PROS1: variants seen among roughly 807,000 people sequenced by gnomAD.
PROS1 encodes vitamin K-dependent protein S.
Under a neutral mutation model 75.9 loss-of-function variants are expected in PROS1, and 29 were observed. That is an observed-to-expected ratio of 0.38 (90% CI 0.28 to 0.52). The LOEUF (loss-of-function observed/expected upper bound fraction) is 0.52, where lower values mean the gene tolerates loss of function less well. PROS1 is among the 20% of genes least tolerant of loss of function. PROS1 has a pLI of 0.83. For missense variants in PROS1, 680 were observed against 810.3 expected, an observed-to-expected ratio of 0.84 and a Z score of 1.95; for synonymous variants, 245 against 280.6, an observed-to-expected ratio of 0.87 and a Z score of 1.27.
chr3:93,965,095 G>A (rs1040216770), intron 1 of PROS1, among the ~76,000 whole-genome samples: 4 of 152,200 alleles, frequency 2.6e-5, no homozygotes, highest in African/African-American at 9.6e-5. Flanking sequence ...AGAGCACAGC[G>A]GGAGGGACAA....
intron 6 of PROS1, among the ~76,000 whole-genome samples, chr3:93,903,897 G>A (rs1220929585): frequency 6.6e-6 from 1 of 151,292 alleles, no homozygotes; most frequent in African/African-American, 2.4e-5. Flanking sequence ...CATGTGCCAT[G>A]CTGGCACGCT....
At chr3:93,905,125 A>G (rs544890633) in intron 6 of PROS1, among the ~76,000 whole-genome samples, 6 of 152,370 alleles carry the variant, frequency 3.9e-5, no homozygotes, top group African/African-American at 1.4e-4. Flanking sequence ...ATGGCTATGT[A>G]TCTTACTAGA....
chr3:93,885,377 C>A (rs565296242), intron 11 of PROS1, among the ~76,000 whole-genome samples: 2 of 152,268 alleles, frequency 1.3e-5, no homozygotes, highest in Non-Finnish European at 2.9e-5. Flanking sequence ...AGGTGCCCAC[C>A]ACCACGCCTG....
intron 12 of PROS1, 101 bp from the exon 13 acceptor site, chr3:93,879,415 G>A (rs1161274176): frequency 9.8e-6 from 14 of 1,425,698 alleles, no homozygotes; most frequent in Non-Finnish European, 1.4e-5. Flanking sequence ...AAACTATCTT[G>A]TGTAATACTA....
intron 1 of PROS1, among the ~76,000 whole-genome samples, chr3:93,950,232 T>C (rs551856124): frequency 7.5e-4 from 114 of 152,278 alleles, no homozygotes; most frequent in African/African-American, 2.7e-3. Flanking sequence ...GGCCTGCCTG[T>C]CTCTGTAGAC....
At chr3:93,893,970 T>C (rs1708468565) in intron 9 of PROS1, among the ~76,000 whole-genome samples, 1 of 152,130 alleles carries the variant, frequency 6.6e-6, no homozygotes, top group South Asian at 2.1e-4. Flanking sequence ...TTCAGTATCC[T>C]TAAAACACTT....
chr3:93,936,671 A>G (rs1157759629), intron 1 of PROS1, among the ~76,000 whole-genome samples: 1 of 152,186 alleles, frequency 6.6e-6, no homozygotes, highest in Non-Finnish European at 1.5e-5. Flanking sequence ...GCAAGAAAAT[A>G]AATTTCTATG....
chr3:93,886,739 T>A (rs1576177039), intron 10 of PROS1, among the ~76,000 whole-genome samples: 2 of 151,826 alleles, frequency 1.3e-5, no homozygotes, highest in Admixed American at 6.6e-5. Context: ...ATTTTAAAGT[T>A]AAAAAAAATA....
intron 8 of PROS1, among the ~76,000 whole-genome samples, chr3:93,897,343 T>C (rs1708516463): frequency 6.7e-6 from 1 of 149,922 alleles, no homozygotes; most frequent in Admixed American, 6.6e-5. Flanking sequence ...GCTTTTAACA[T>C]ACAAATTATT....
intron 7 of PROS1, among the ~76,000 whole-genome samples, 191 bp downstream of exon 7, chr3:93,900,613 C>T (rs1486376888): frequency 6.6e-6 from 1 of 152,198 alleles, no homozygotes; most frequent in Non-Finnish European, 1.5e-5. Context: ...TAACACCAAA[C>T]TTAAAGACCA....
At chr3:93,960,177 T>G (rs1334102400) in intron 1 of PROS1, among the ~76,000 whole-genome samples, 1 of 140,158 alleles carries the variant, frequency 7.1e-6, no homozygotes, top group Non-Finnish European at 1.6e-5. Flanking sequence ...CGTTTGTCAC[T>G]TTTTTTTTTT....
chr3:93,900,931 T>C lies in PROS1; in HGVS notation c.602-2A>G. ...GCTTCAAAGAGCATTCATCCACATC[T>C]ATAAATAAAATCACTATATTAAAAA... On this transcript the variant is annotated splice_acceptor_variant, in intron 6 of 14. Transcript: ENST00000394236. LOFTEE classifies it high-confidence loss of function. 1 of 1,613,512 alleles carries C rather than the reference T, an allele frequency of 6.2e-7. No individual in the cohort carries two copies. Among genetic ancestry groups the C allele is most frequent in the Non-Finnish European group, 8.5e-7 (1 of 1,179,844 alleles).
At position 93,874,404 on chromosome 3, in the gene PROS1, A is replaced by G. The variant is rs1229042250; in HGVS notation, c.1872T>C (p.Asp624=). ...KVATYLGGLP[D]VPFSATPVNA... ...TCACTGGTGTGGCACTGAATGGAAC[A>G]TCTGTAAAAGGAAAATATTAGAATA... The change falls in exon 15 of 15, where the codon GAT becomes GAC. Residue 624 remains aspartate, a splice_region_variant and synonymous_variant. Coordinates refer to ENST00000394236, the MANE Select transcript of PROS1 (RefSeq NM_000313.4). 6.2e-7 allele frequency: 1 copy of G among 1,613,194 alleles called. No homozygotes were observed. Among genetic ancestry groups the G allele is most frequent in the East Asian group, 2.2e-5 (1 of 44,798 alleles).
chr3:93,921,039 G>T (rs1206337755), intron 3 of PROS1, among the ~76,000 whole-genome samples: 1 of 152,072 alleles, frequency 6.6e-6, no homozygotes, highest in Non-Finnish European at 1.5e-5. Context: ...TGCTTTTTCT[G>T]TATGAACTGA....
intron 1 of PROS1, among the ~76,000 whole-genome samples, chr3:93,967,505 G>C (rs1459785107): frequency 1.3e-5 from 2 of 152,132 alleles, no homozygotes; most frequent in African/African-American, 4.8e-5. Context: ...ACCAATTATA[G>C]AGGGCTCACT....
At chr3:93,945,433 C>A (rs1422380714) in intron 1 of PROS1, among the ~76,000 whole-genome samples, 2 of 152,170 alleles carry the variant, frequency 1.3e-5, no homozygotes, top group African/African-American at 4.8e-5. Flanking sequence ...CAAACCGAAT[C>A]CAGCAGCACA....
intron 12 of PROS1, among the ~76,000 whole-genome samples, chr3:93,884,473 G>T (rs760892484): frequency 5.9e-5 from 9 of 152,098 alleles, no homozygotes; most frequent in Non-Finnish European, 1.2e-4. Flanking sequence ...TAGGTCAATT[G>T]AATTTACCCA....
intron 9 of PROS1, among the ~76,000 whole-genome samples, chr3:93,895,164 G>A (rs1401938744): frequency 6.6e-6 from 1 of 152,056 alleles, no homozygotes; most frequent in Non-Finnish European, 1.5e-5. Context: ...ACTGTATTGT[G>A]TCTCATTTGT....
chr3:93,961,168 C>T (rs1709701253), intron 1 of PROS1, among the ~76,000 whole-genome samples: 1 of 152,062 alleles, frequency 6.6e-6, no homozygotes, highest in South Asian at 2.1e-4. Context: ...GAGGAATTGT[C>T]TTTCAAACAG....
Sources: gnomAD v4.1 joint callset for allele counts (sites outside exome capture counted in the v4.1 genomes callset) on GRCh38, gnomAD v4.1.1 for gene constraint, MANE v1.5 for transcripts, NCBI Gene and HGNC (gene_info 2026-07-23, HGNC 2026-07-21) for gene names.